Variants in ANXA4 observed in about 807,000 individuals in gnomAD.
ANXA4 encodes the protein annexin A4.
ANXA4 carries 39 observed loss-of-function variants against 49.8 expected under a neutral mutation model. The ratio of observed to expected loss-of-function variants is 0.78; its 90% CI spans 0.61 to 1.02. The LOEUF (loss-of-function observed/expected upper bound fraction) is 1.02, where lower values mean the gene tolerates loss of function less well. Ranked by LOEUF, ANXA4 falls within the 50% of genes least tolerant of loss-of-function variation. The pLI is 0.00. For missense variants in ANXA4, 360 were observed against 410.1 expected (o/e 0.88, Z 1.05); for synonymous variants, 134 against 152.5 (o/e 0.88, Z 0.89).
chr2:69,749,874 G>A (rs898003428), intron 1 of ANXA4, among the ~76,000 whole-genome samples: 1 of 150,872 alleles, frequency 6.6e-6, no homozygotes, highest in South Asian at 2.1e-4. Flanking sequence ...AGTGAGCCGA[G>A]ATCATGCCCC....
Position 69,806,380 on chromosome 2 carries a change from T to A in ANXA4, c.193-5T>A. On this transcript the variant is annotated splice_polypyrimidine_tract_variant and splice_region_variant and intron_variant, in intron 4 of 12. Transcript: ENST00000394295. ...GTTAAGCGGAGCTACTTTCTTGCAT[T>A]GCAGGACTTGATAGACGACCTGAAG... 6.2e-7 allele frequency: 1 copy of A among 1,610,730 alleles called. No individual in the cohort carries two copies. The highest frequency in any genetic ancestry group is 8.5e-7 in the Non-Finnish European group (1 of 1,176,914).
upstream of ANXA4, chr2:69,643,899 C>T (rs1019698208): frequency 3.4e-6 from 4 of 1,166,704 alleles, no homozygotes; most frequent in Admixed American, 1.9e-4. Flanking sequence ...GAGTCGACCG[C>T]GAGAAGAGGA....
intron 2 of ANXA4, among the ~76,000 whole-genome samples, chr2:69,656,380 TA>T: frequency 1.3e-5 from 1 of 77,716 alleles, no homozygotes; most frequent in African/African-American, 3.5e-5. Context: ...TATATATGTG[TA>T]TATATATGTG....
chr2:69,706,693 G>A (rs1330141013), intron 2 of ANXA4, among the ~76,000 whole-genome samples: 1 of 152,110 alleles, frequency 6.6e-6, no homozygotes, highest in Non-Finnish European at 1.5e-5. Context: ...GAACAATTGT[G>A]TCTCCATACA....
chr2:69,648,988 C>T (rs1455178133), intron 1 of ANXA4, among the ~76,000 whole-genome samples: 1 of 148,308 alleles, frequency 6.7e-6, no homozygotes, highest in African/African-American at 2.5e-5. Context: ...CAGGTTCAAG[C>T]GATTCTCCTG....
chr2:69,819,073 C>T lies in ANXA4; in HGVS notation c.725-207C>T, dbSNP rs567719082. ...TGATAGACTTTATCAATTACTTCTC[C>T]AGGAACTTGATGATAAATTGAGGGT... On this transcript the variant is annotated intron_variant, in intron 10 of 12. Transcript: ENST00000394295. 4.9e-4 allele frequency among the ~76,000 whole-genome samples: 74 copies of T among 152,268 alleles called. 1 individual carries two copies. The South Asian group carries it at 0.015, about 31-fold the overall frequency.
chr2:69,791,422 T>C (rs1672686645), intron 3 of ANXA4, among the ~76,000 whole-genome samples: 1 of 152,254 alleles, frequency 6.6e-6, no homozygotes, highest in Non-Finnish European at 1.5e-5. Context: ...AACAACTATA[T>C]TGTTGTAATT....
At chr2:69,720,409 T>G (rs1408501942) in intron 2 of ANXA4, among the ~76,000 whole-genome samples, 1 of 151,972 alleles carries the variant, frequency 6.6e-6, no homozygotes, top group Non-Finnish European at 1.5e-5. Context: ...CCATGGAACT[T>G]CAAGAAATTC....
intron 9 of ANXA4, chr2:69,817,516 C>T (rs1010804432): frequency 3.9e-5 from 6 of 152,142 alleles, no homozygotes; most frequent in African/African-American, 1.2e-4. Flanking sequence ...CCAAGCCACA[C>T]ACACTGACTT....
At chr2:69,754,651 A>G (rs985680257) in intron 1 of ANXA4, among the ~76,000 whole-genome samples, 1 of 152,204 alleles carries the variant, frequency 6.6e-6, no homozygotes, top group African/African-American at 2.4e-5. Context: ...TGTACTTTGA[A>G]CAAGGTCCCA....
intron 1 of ANXA4, among the ~76,000 whole-genome samples, chr2:69,767,354 A>G (rs914004115): frequency 6.6e-6 from 1 of 152,220 alleles, no homozygotes; most frequent in Admixed American, 6.5e-5. Flanking sequence ...CCCCGAAGTC[A>G]TGATGCATCA....
intron 3 of ANXA4, among the ~76,000 whole-genome samples, chr2:69,796,614 C>A (rs768326767): frequency 3.3e-4 from 50 of 152,132 alleles, no homozygotes; most frequent in Admixed American, 2.3e-3. Flanking sequence ...TTTCTACAGT[C>A]CTGTAATGAG....
intron 2 of ANXA4, among the ~76,000 whole-genome samples, chr2:69,656,030 TAGGGAGCTAAGGG>T (rs1676425008): frequency 6.6e-6 from 1 of 151,574 alleles, no homozygotes; most frequent in Non-Finnish European, 1.5e-5. Flanking sequence ...TGTCAGTGGG[TAGGGAGCTAAGGG>T]AGGGATAGCG....
chr2:69,735,797 G>A (rs1026936334), intron 3 of ANXA4, among the ~76,000 whole-genome samples: 1 of 152,100 alleles, frequency 6.6e-6, no homozygotes, highest in Non-Finnish European at 1.5e-5. Context: ...TCATGATTCT[G>A]GTGATTGACT....
chr2:69,809,210 T>G (rs1673588555), intron 6 of ANXA4: 1 of 152,138 alleles, frequency 6.6e-6, no homozygotes, highest in Non-Finnish European at 1.5e-5. Context: ...GCCCCTTCTT[T>G]TTACTTATTT....
chr2:69,669,539 C>T (rs112131866), intron 2 of ANXA4, among the ~76,000 whole-genome samples: 2 of 150,676 alleles, frequency 1.3e-5, no homozygotes, highest in Admixed American at 6.6e-5. Context: ...TGAACCCAGG[C>T]GGCAGAGGTT....
chr2:69,710,750 A>G (rs2105406294), intron 2 of ANXA4, among the ~76,000 whole-genome samples: 1 of 152,352 alleles, frequency 6.6e-6, no homozygotes, highest in South Asian at 2.1e-4. Context: ...TAAAAGGACA[A>G]TGAGGTAATA....
rs1296675820 is a variant in ANXA4 at position 69,826,048 on chromosome 2, G to A, written c.*533G>A. 6.6e-6 allele frequency: 1 copy of A among 152,498 alleles called. No individual in the cohort carries two copies. The highest frequency in any genetic ancestry group is 1.5e-5 in the Non-Finnish European group (1 of 68,042). 9.4% of individuals were successfully genotyped at this position (152,498 alleles called of 1,614,324 possible). ...TTAGGTTTTGTCCATAGCATCAGTT[G>A]ATCCTTACTAAGTTTTTCATGGGAG... On this transcript the variant is annotated 3_prime_UTR_variant, in exon 13 of 13. Transcript: ENST00000394295.
intron 5 of ANXA4, among the ~76,000 whole-genome samples, chr2:69,807,454 T>G (rs1431847517): frequency 6.6e-6 from 1 of 152,104 alleles, no homozygotes; most frequent in African/African-American, 2.4e-5. Context: ...ACTTAAAAAT[T>G]TTCAGTGTAT....
Sources: allele counts gnomAD v4.1 joint callset (sites outside exome capture counted in the v4.1 genomes callset), GRCh38; gene constraint gnomAD v4.1.1; transcripts MANE v1.5; gene names NCBI Gene and HGNC (gene_info 2026-07-23, HGNC 2026-07-21).